PCDH9: variants seen among roughly 807,000 people sequenced by gnomAD.
The protein encoded by PCDH9 is protocadherin 9.
PCDH9 carries 24 observed loss-of-function variants against 70.6 expected under a neutral mutation model. That is an observed-to-expected ratio of 0.34 (90% confidence interval 0.25 to 0.48). The LOEUF (loss-of-function observed/expected upper bound fraction) is 0.48, where lower values mean the gene tolerates loss of function less well. PCDH9 is among the 20% of genes least tolerant of loss of function. The pLI is 0.99. For synonymous variants in PCDH9, 562 were observed against 558.5 expected (o/e 1.01, Z -0.09); for missense variants, 1,281 against 1,503.6 (o/e 0.85, Z 2.45).
At chr13:66,475,764 G>C (rs556236946) in intron 4 of PCDH9, among the ~76,000 whole-genome samples, 2 of 152,166 alleles carry the variant, frequency 1.3e-5, no homozygotes, top group South Asian at 4.1e-4. Context: ...CCCAGAAAGG[G>C]AGATGTAAGA....
chr13:66,987,095 TA>T (rs1459109224), intron 2 of PCDH9, among the ~76,000 whole-genome samples: 4 of 152,048 alleles, frequency 2.6e-5, no homozygotes, highest in Non-Finnish European at 4.4e-5. Flanking sequence ...ATGTTAGTTT[TA>T]CTTAAATTTA....
intron 3 of PCDH9, among the ~76,000 whole-genome samples, chr13:66,746,109 C>T (rs1226475419): frequency 6.6e-6 from 1 of 152,142 alleles, no homozygotes; most frequent in Non-Finnish European, 1.5e-5. Flanking sequence ...CTTGGCATTA[C>T]CTGTATGTTG....
intron 2 of PCDH9, among the ~76,000 whole-genome samples, chr13:67,079,619 G>A (rs1021214808): frequency 1.3e-5 from 2 of 151,956 alleles, no homozygotes; most frequent in Non-Finnish European, 2.9e-5. Flanking sequence ...TGGGATCATC[G>A]GACTAAAATT....
chr13:66,895,798 G>A (rs976883342), intron 3 of PCDH9, among the ~76,000 whole-genome samples: 3 of 151,982 alleles, frequency 2.0e-5, no homozygotes, highest in African/African-American at 7.2e-5. Context: ...CTACATTTTC[G>A]TTGTTTTGTT....
At chr13:66,419,818 T>C (rs892045926) in intron 4 of PCDH9, among the ~76,000 whole-genome samples, 6 of 151,440 alleles carry the variant, frequency 4.0e-5, no homozygotes, top group African/African-American at 1.2e-4. Flanking sequence ...AACAGAACTG[T>C]TCACTACCCT....
At position 67,036,069 on chromosome 13, in the gene PCDH9, T is replaced by C. The variant is rs146207203; in HGVS notation, c.3037-132464A>G. Among the ~76,000 whole-genome samples, 739 of 152,252 alleles carry C rather than the reference T, an allele frequency of 4.9e-3. 11 individuals carry two copies. Among genetic ancestry groups the C allele is most frequent in the African/African-American group, 0.017 (723 of 41,544 alleles). The stretch of plus-strand genomic sequence containing the variant: ...TGATTACTCATGTCAGTGACCAAAA[T>C]TGGAACAGCACATCAGCGTTCTAGT... On this transcript the variant is annotated intron_variant, in intron 2 of 4. Transcript: ENST00000377865.
intron 2 of PCDH9, among the ~76,000 whole-genome samples, chr13:67,145,150 T>C (rs569545707): frequency 6.6e-6 from 1 of 152,212 alleles, no homozygotes; most frequent in African/African-American, 2.4e-5. Context: ...CACACCATAA[T>C]ACAATGCGAT....
intron 2 of PCDH9, among the ~76,000 whole-genome samples, chr13:66,953,988 G>A (rs1299415397): frequency 6.6e-6 from 1 of 152,160 alleles, no homozygotes; most frequent in Non-Finnish European, 1.5e-5. Flanking sequence ...TCAGGGACAT[G>A]TGACAGCCAG....
At chr13:66,480,509 T>C (rs185652514) in intron 4 of PCDH9, among the ~76,000 whole-genome samples, 2 of 152,342 alleles carry the variant, frequency 1.3e-5, no homozygotes, top group African/African-American at 4.8e-5. Context: ...AGCATCACAC[T>C]CTACAGAGAA....
In PCDH9 at chr13:66,999,924, C is replaced by T. The variant is rs559657241; in HGVS notation, c.3037-96319G>A. Among the ~76,000 whole-genome samples the T allele has an allele frequency of 5.8e-3, 884 of 152,192 alleles. 7 individuals carry two copies. Among genetic ancestry groups the T allele is most frequent in the African/African-American group, 0.02 (840 of 41,516 alleles). On this transcript the variant is annotated intron_variant, in intron 2 of 4. Coordinates refer to ENST00000377865, the MANE Select transcript of PCDH9 (RefSeq NM_203487.3). The stretch of plus-strand genomic sequence containing the variant: ...TCAACCATTGTGGAAGTCAGTGTGG[C>T]GATTCCTCAGGGATCTAGAACTAGA...
At chr13:67,176,501 TG>T (rs1302246687) in intron 2 of PCDH9, among the ~76,000 whole-genome samples, 1 of 150,178 alleles carries the variant, frequency 6.7e-6, no homozygotes, top group Non-Finnish European at 1.5e-5. Flanking sequence ...ACCCTTTGAA[TG>T]GTTTTCAAAA....
intron 2 of PCDH9, among the ~76,000 whole-genome samples, chr13:66,918,881 T>C (rs914495327): frequency 4.0e-5 from 6 of 151,298 alleles, no homozygotes; most frequent in Non-Finnish European, 5.9e-5. Flanking sequence ...TCTGTCATCA[T>C]GCACTTTGGA....
intron 4 of PCDH9, among the ~76,000 whole-genome samples, chr13:66,396,498 C>T (rs1271345429): frequency 1.3e-5 from 2 of 152,180 alleles, no homozygotes; most frequent in African/African-American, 4.8e-5. Flanking sequence ...CCACGTGTAG[C>T]AAATGCTCAT....
intron 2 of PCDH9, among the ~76,000 whole-genome samples, chr13:67,179,019 TAA>T (rs2088542695): frequency 6.6e-6 from 1 of 152,130 alleles, no homozygotes; most frequent in Non-Finnish European, 1.5e-5. Context: ...ATGTTAAATA[TAA>T]ACTTGTGCAT....
At chr13:66,409,977 G>T (rs988612480) in intron 4 of PCDH9, among the ~76,000 whole-genome samples, 52 of 152,164 alleles carry the variant, frequency 3.4e-4, no homozygotes, top group Non-Finnish European at 2.9e-5. Context: ...GCAGCAGCAG[G>T]AAAGAATGAG....
chr13:66,440,629 A>T (rs915092808), intron 4 of PCDH9, among the ~76,000 whole-genome samples: 1 of 152,124 alleles, frequency 6.6e-6, no homozygotes, highest in African/African-American at 2.4e-5. Context: ...GTGAAATCTC[A>T]AGGCAAATAG....
chr13:66,349,417 A>G (rs979918233), intron 4 of PCDH9, among the ~76,000 whole-genome samples: 5 of 152,214 alleles, frequency 3.3e-5, no homozygotes, highest in African/African-American at 1.2e-4. Context: ...TATGACAAAT[A>G]CATAGAAGAC....
At chr13:67,009,838 A>G (rs753091483) in intron 2 of PCDH9, among the ~76,000 whole-genome samples, 2 of 151,942 alleles carry the variant, frequency 1.3e-5, no homozygotes, top group Admixed American at 1.3e-4. Context: ...TATAGTTATT[A>G]TCAATAAAAC....
chr13:66,911,269 A>G (rs920712031), intron 2 of PCDH9, among the ~76,000 whole-genome samples: 2 of 152,158 alleles, frequency 1.3e-5, no homozygotes, highest in Non-Finnish European at 2.9e-5. Flanking sequence ...GTTGCTGGGC[A>G]TGGGGGTGTG....
Sources: gnomAD v4.1 joint callset for allele counts (sites outside exome capture counted in the v4.1 genomes callset) on GRCh38, gnomAD v4.1.1 for gene constraint, MANE v1.5 for transcripts, NCBI Gene and HGNC (gene_info 2026-07-23, HGNC 2026-07-21) for gene names.